SPAG16: variants seen among roughly 807,000 people sequenced by gnomAD.
SPAG16 encodes sperm-associated antigen 16 protein.
In SPAG16, 86 loss-of-function variants were observed where a neutral mutation model predicts 80.4. The observed-to-expected ratio is 1.07, with a 90% confidence interval of 0.90 to 1.28. The LOEUF (loss-of-function observed/expected upper bound fraction) is 1.28, where lower values mean the gene tolerates loss of function less well. Among genes scored for constraint, SPAG16 ranks in the 50% most tolerant of loss-of-function variants. SPAG16 has a pLI of 0.00. For synonymous variants in SPAG16, 294 were observed against 265.9 expected (o/e 1.11, Z -1.03); for missense variants, 870 against 765.3 (o/e 1.14, Z -1.61).
chr2:213,603,925 GTT>G (rs111445953), intron 10 of SPAG16, among the ~76,000 whole-genome samples: 12 of 140,342 alleles, frequency 8.6e-5, no homozygotes, highest in African/African-American at 1.9e-4. Flanking sequence ...AGACTTCCTG[GTT>G]TTTTTTTTTT....
At chr2:213,962,733 T>A (rs1438864595) in intron 12 of SPAG16, among the ~76,000 whole-genome samples, 1 of 152,252 alleles carries the variant, frequency 6.6e-6, no homozygotes, top group Admixed American at 6.5e-5. Context: ...TCAATCGCTT[T>A]ACTCATTGTA....
chr2:213,820,019 C>G (rs1235707894), intron 10 of SPAG16, among the ~76,000 whole-genome samples: 3 of 149,260 alleles, frequency 2.0e-5, no homozygotes, highest in Non-Finnish European at 4.4e-5. Flanking sequence ...CTCAGGTGAT[C>G]CACCTGCCTC....
intron 11 of SPAG16, among the ~76,000 whole-genome samples, chr2:213,911,837 A>AT (rs1296498449): frequency 1.1e-5 from 1 of 88,814 alleles, no homozygotes; most frequent in African/African-American, 4.1e-5. Context: ...ACAGTTAGCA[A>AT]AAAAAAAAAA....
At chr2:214,068,022 T>C (rs1576052337) in intron 13 of SPAG16, among the ~76,000 whole-genome samples, 2 of 152,272 alleles carry the variant, frequency 1.3e-5, no homozygotes, top group South Asian at 2.1e-4. Context: ...TGCATCTATA[T>C]GGAAGCCGTG....
intron 15 of SPAG16, among the ~76,000 whole-genome samples, chr2:214,162,583 G>A (rs77824646): frequency 0.051 from 7,811 of 152,090 alleles, 237 homozygotes; most frequent in Middle Eastern, 0.082. Context: ...AACTTGTCTC[G>A]TTGATTTGTG....
intron 13 of SPAG16, among the ~76,000 whole-genome samples, chr2:214,076,110 T>C (rs1041180749): frequency 6.6e-6 from 1 of 152,182 alleles, no homozygotes; most frequent in Admixed American, 6.5e-5. Context: ...CAAATACATA[T>C]GCATTTAAGT....
intron 10 of SPAG16, among the ~76,000 whole-genome samples, chr2:213,519,247 C>T (rs750184175): frequency 6.6e-6 from 1 of 152,156 alleles, no homozygotes; most frequent in Admixed American, 6.5e-5. Context: ...CTGATTCATA[C>T]CCTTACTTTT....
chr2:214,268,221 T>C (rs1691729189), intron 15 of SPAG16, among the ~76,000 whole-genome samples: 2 of 151,938 alleles, frequency 1.3e-5, no homozygotes, highest in East Asian at 1.9e-4. Flanking sequence ...GTAGGTGGTA[T>C]TGCAAATTAA....
At chr2:214,089,684 A>C (rs918469413) in intron 13 of SPAG16, among the ~76,000 whole-genome samples, 1 of 151,948 alleles carries the variant, frequency 6.6e-6, no homozygotes, top group African/African-American at 2.4e-5. Context: ...TGTTTCAAAG[A>C]CATCTTAGCA....
At chr2:213,894,710 G>C (rs1398636219) in intron 11 of SPAG16, among the ~76,000 whole-genome samples, 1 of 152,090 alleles carries the variant, frequency 6.6e-6, no homozygotes, top group African/African-American at 2.4e-5. Context: ...CCTAAAGACG[G>C]CCTGGCGCAG....
At chr2:214,011,794 A>G (rs886972314) in intron 12 of SPAG16, among the ~76,000 whole-genome samples, 3 of 152,114 alleles carry the variant, frequency 2.0e-5, no homozygotes, top group African/African-American at 7.2e-5. Context: ...TTGATGAGAA[A>G]GGGAAGTGTT....
Position 213,628,677 on chromosome 2 carries a change from TTAAC to T in SPAG16, c.1070+138590_1070+138593del, listed in dbSNP as rs544462895. Among the ~76,000 whole-genome samples, 283 of 152,372 alleles carry T rather than the reference TTAAC, an allele frequency of 1.9e-3. 1 individual carries two copies. Among genetic ancestry groups the T allele is most frequent in the African/African-American group, 6.3e-3 (263 of 41,590 alleles). Reference sequence around the variant, plus strand: ...GATTGCTTTGAAAAGTTTGCATTCTTTAACTAGCCTTAATTATTTGTGTGTATGT... The same window carrying T: ...GATTGCTTTGAAAAGTTTGCATTCTTTAGCCTTAATTATTTGTGTGTATGT... On this transcript the variant is annotated intron_variant, in intron 10 of 15. Transcript: ENST00000331683.
intron 13 of SPAG16, among the ~76,000 whole-genome samples, chr2:214,088,967 T>G (rs1035676079): frequency 1.3e-5 from 2 of 152,060 alleles, no homozygotes; most frequent in African/African-American, 4.8e-5. Flanking sequence ...TAATATAATA[T>G]TTGCAAACTT....
intron 10 of SPAG16, among the ~76,000 whole-genome samples, chr2:213,643,959 T>G (rs111574473): frequency 0.026 from 3,981 of 151,108 alleles, 74 homozygotes; most frequent in African/African-American, 0.046. Flanking sequence ...TTTTGTATTT[T>G]TAGTAGAGAT....
At chr2:214,339,389 T>C (rs1162839595) in intron 15 of SPAG16, among the ~76,000 whole-genome samples, 1 of 152,198 alleles carries the variant, frequency 6.6e-6, no homozygotes, top group African/African-American at 2.4e-5. Flanking sequence ...AATTTTAAAA[T>C]GTATTATAAA....
intron 7 of SPAG16, among the ~76,000 whole-genome samples, chr2:213,354,056 C>G (rs201966765): frequency 6.6e-6 from 1 of 152,274 alleles, no homozygotes; most frequent in East Asian, 1.9e-4. Context: ...CCATGATAGG[C>G]CCTGGTGTGT....
At chr2:213,309,940 A>G (rs1025599891) in intron 3 of SPAG16, 119 bp from the exon 4 acceptor site, 1 of 622,958 alleles carries the variant, frequency 1.6e-6, no homozygotes, top group African/African-American at 1.9e-5. Context: ...GGCATATAAC[A>G]GTCAACAAAC....
chr2:213,284,717 G>A, intron 1 of SPAG16, 98 bp downstream of exon 1: 2 of 1,451,582 alleles, frequency 1.4e-6, no homozygotes, highest in South Asian at 2.8e-5. Flanking sequence ...TTGAGCCTTG[G>A]GGCCACTCCG....
intron 9 of SPAG16, among the ~76,000 whole-genome samples, chr2:213,417,106 C>G (rs2069301410): frequency 6.6e-6 from 1 of 152,118 alleles, no homozygotes; most frequent in African/African-American, 2.4e-5. Flanking sequence ...GGTTAGTTTG[C>G]TTATCAAAGG....
Sources: gnomAD v4.1 joint callset for allele counts (sites outside exome capture counted in the v4.1 genomes callset) on GRCh38, gnomAD v4.1.1 for gene constraint, MANE v1.5 for transcripts, NCBI Gene and HGNC (gene_info 2026-07-23, HGNC 2026-07-21) for gene names.